The following COLEC12 variants were observed in gnomAD, a reference collection of about 807,000 sequenced individuals.
COLEC12 encodes the protein collectin-12.
A neutral mutation model predicts 71.1 loss-of-function variants in COLEC12; 33 were observed. The ratio of observed to expected loss-of-function variants is 0.46; its 90% CI spans 0.35 to 0.62. The LOEUF is 0.62. Ranked by LOEUF, COLEC12 falls within the 20% of genes least tolerant of loss-of-function variation. COLEC12 has a pLI of 0.00. For synonymous variants in COLEC12, 350 were observed against 353.0 expected (o/e 0.99, Z 0.10); for missense variants, 765 against 916.1 (o/e 0.84, Z 2.13).
chr18:406,392 C>T (rs1356791644), intron 2 of COLEC12, among the ~76,000 whole-genome samples: 1 of 151,342 alleles, frequency 6.6e-6, no homozygotes, highest in Non-Finnish European at 1.5e-5. Flanking sequence ...GCCTGTAGTC[C>T]CAGCTACTCG....
chr18:376,066 C>A (rs1915106588), intron 2 of COLEC12, among the ~76,000 whole-genome samples: 2 of 152,138 alleles, frequency 1.3e-5, no homozygotes, highest in African/African-American at 4.8e-5. Flanking sequence ...GGATTCAAAC[C>A]CAGATCGACT....
intron 1 of COLEC12, among the ~76,000 whole-genome samples, chr18:483,487 T>C (rs1917463717): frequency 6.6e-6 from 1 of 151,974 alleles, no homozygotes; most frequent in Admixed American, 6.6e-5. Context: ...TTCACCATTG[T>C]CTCCTTATTC....
chr18:447,108 C>T (rs1233148276), intron 2 of COLEC12, among the ~76,000 whole-genome samples: 5 of 152,176 alleles, frequency 3.3e-5, no homozygotes, highest in Non-Finnish European at 7.3e-5. Context: ...GATAGTCACA[C>T]GTGGAATCTC....
intron 2 of COLEC12, among the ~76,000 whole-genome samples, chr18:395,886 G>A (rs16943795): frequency 0.013 from 1,904 of 152,176 alleles, 50 homozygotes; most frequent in African/African-American, 0.044. Flanking sequence ...CATTTATCTC[G>A]CAGCGTGCGT....
chr18:482,275 C>T (rs761577735), intron 1 of COLEC12, among the ~76,000 whole-genome samples: 7 of 151,908 alleles, frequency 4.6e-5, no homozygotes, highest in Non-Finnish European at 7.4e-5. Context: ...CACTACCCTC[C>T]GCTAATTTTT....
intron 1 of COLEC12, among the ~76,000 whole-genome samples, chr18:494,508 G>A (rs1917674432): frequency 1.3e-5 from 2 of 152,136 alleles, no homozygotes; most frequent in South Asian, 4.1e-4. Flanking sequence ...GGGCCCCAGG[G>A]GGTTAAGTGA....
intron 2 of COLEC12, among the ~76,000 whole-genome samples, chr18:374,973 T>A (rs1022105059): frequency 4.6e-5 from 7 of 152,164 alleles, no homozygotes; most frequent in African/African-American, 1.7e-4. Flanking sequence ...GTTGTTAAAA[T>A]CAACAAGTAC....
chr18:441,848 A>C (rs1026024761), intron 2 of COLEC12, among the ~76,000 whole-genome samples: 1 of 151,808 alleles, frequency 6.6e-6, no homozygotes, highest in African/African-American at 2.4e-5. Context: ...AAAATACAAA[A>C]AATTAGCCAG....
chr18:426,151 T>C (rs1206390629), intron 2 of COLEC12, among the ~76,000 whole-genome samples: 1 of 152,230 alleles, frequency 6.6e-6, no homozygotes, highest in African/African-American at 2.4e-5. Context: ...ATTTGTAAAA[T>C]GCATCATGGC....
intron 2 of COLEC12, among the ~76,000 whole-genome samples, chr18:456,491 C>T (rs1005448051): frequency 1.3e-5 from 2 of 152,132 alleles, no homozygotes; most frequent in African/African-American, 4.8e-5. Flanking sequence ...CTCAGTTGGC[C>T]GGGCTCTGCC....
chr18:494,524 C>G (rs780960848), intron 1 of COLEC12, among the ~76,000 whole-genome samples: 1 of 152,172 alleles, frequency 6.6e-6, no homozygotes, highest in Non-Finnish European at 1.5e-5. Flanking sequence ...AGTGACTTGC[C>G]TGAGGTCCCC....
chr18:443,816 T>C (rs1916593201), intron 2 of COLEC12, among the ~76,000 whole-genome samples: 1 of 152,140 alleles, frequency 6.6e-6, no homozygotes, highest in African/African-American at 2.4e-5. Context: ...TGGGGGTGGA[T>C]CTCTGAATGA....
chr18:479,526 A>ACTCTCT (rs541393393), intron 2 of COLEC12, among the ~76,000 whole-genome samples: 5 of 144,078 alleles, frequency 3.5e-5, no homozygotes, highest in East Asian at 4.1e-4. Flanking sequence ...TCATTTTCAT[A>ACTCTCT]CTCTCTCTCT....
intron 3 of COLEC12, among the ~76,000 whole-genome samples, chr18:349,949 G>A (rs185833075): frequency 5.1e-4 from 77 of 152,298 alleles, no homozygotes; most frequent in African/African-American, 7.7e-4. Context: ...GCTCATAGGC[G>A]GAAGGGACTT....
At position 362,154 on chromosome 18, in the gene COLEC12, T is replaced by C. The variant is rs1327886960; in HGVS notation, c.59-4632A>G. Among the ~76,000 whole-genome samples, 3 of 152,180 alleles carry C rather than the reference T, an allele frequency of 2.0e-5. No homozygotes were observed. Among genetic ancestry groups the C allele is most frequent in the African/African-American group, 7.2e-5 (3 of 41,450 alleles). ...CGCCAGGCATCTGGTGCATGTGGTA[T>C]TCGTGCAGATCCAAGCCCGGACAGC... is the stretch of plus-strand genomic sequence containing the variant. On this transcript the variant is annotated intron_variant, in intron 2 of 9. Transcript: ENST00000400256. This position sits in a 1 kb window ranked among gnomAD's most constrained non-coding sequence, Gnocchi z 4.6.
At chr18:351,602 T>C (rs1482672252) in intron 3 of COLEC12, among the ~76,000 whole-genome samples, 1 of 152,184 alleles carries the variant, frequency 6.6e-6, no homozygotes, top group Non-Finnish European at 1.5e-5. Context: ...AGTTTCACTC[T>C]TGTTGCCCAG....
intron 1 of COLEC12, among the ~76,000 whole-genome samples, chr18:494,132 T>C (rs560223178): frequency 1.3e-5 from 2 of 152,362 alleles, no homozygotes; most frequent in African/African-American, 4.8e-5. Flanking sequence ...TTTTTTATGA[T>C]GATAGCAGTG....
intron 3 of COLEC12, among the ~76,000 whole-genome samples, chr18:349,607 T>C (rs1914463581): frequency 6.6e-6 from 1 of 152,106 alleles, no homozygotes. Context: ...ACTGACAGTT[T>C]GCACCGTTCA....
intron 8 of COLEC12, among the ~76,000 whole-genome samples, chr18:323,521 A>G (rs1001398216): frequency 1.3e-5 from 2 of 152,240 alleles, no homozygotes; most frequent in African/African-American, 4.8e-5. Flanking sequence ...AGCCTGTGAC[A>G]ATCTCAGCCT....
Sources: allele counts gnomAD v4.1 joint callset (sites outside exome capture counted in the v4.1 genomes callset), GRCh38; gene constraint gnomAD v4.1.1; non-coding constraint Gnocchi (gnomAD v3.1); transcripts MANE v1.5; gene names NCBI Gene and HGNC (gene_info 2026-07-23, HGNC 2026-07-21).